TCF7L2: variants seen among roughly 807,000 people sequenced by gnomAD.
The protein encoded by TCF7L2 is transcription factor 7 like 2, also known as transcription factor 7-like 2.
Under a neutral mutation model 77.9 loss-of-function variants are expected in TCF7L2, and 23 were observed. The ratio of observed to expected loss-of-function variants is 0.30; its 90% CI spans 0.21 to 0.42. TCF7L2 has a LOEUF of 0.42. TCF7L2 is among the 10% of genes least tolerant of loss of function. TCF7L2 has a pLI of 1.00. For synonymous variants in TCF7L2, 413 were observed against 340.2 expected (o/e 1.21, Z -2.36); for missense variants, 654 against 793.1 (o/e 0.82, Z 2.11).
In TCF7L2 at chr10:113,049,609, A is replaced by G. The variant is rs577089927; in HGVS notation, c.552+9483A>G. On this transcript the variant is annotated intron_variant, in intron 5 of 13. Coordinates refer to ENST00000627217, the MANE Select transcript of TCF7L2 (RefSeq NM_001146274.2). ...CTTCCTACCTTTGTAACAGCCTATC[A>G]TCTATCTCTGGTCTCCATAGCTCAC... Among the ~76,000 whole-genome samples the G allele has an allele frequency of 1.5e-4, 23 of 152,246 alleles. 1 individual carries two copies. In the East Asian group the frequency reaches 4.1e-3, roughly 27 times the overall value.
At chr10:112,962,991 A>G (rs1320516621) in intron 3 of TCF7L2, among the ~76,000 whole-genome samples, 8 of 151,676 alleles carry the variant, frequency 5.3e-5, no homozygotes, top group Admixed American at 3.3e-4. Flanking sequence ...GTGGTTCATT[A>G]CTCTCCTTTG....
At chr10:113,073,099 C>CCTGTGTGTGTGT (rs145753150) in intron 5 of TCF7L2, among the ~76,000 whole-genome samples, 123 of 104,010 alleles carry the variant, frequency 1.2e-3, no homozygotes, top group South Asian at 5.0e-3. Flanking sequence ...AGGGCCAGGT[C>CCTGTGTGTGTGT]GTGTGTGTGT....
At chr10:113,080,129 C>T (rs949596868) in intron 5 of TCF7L2, among the ~76,000 whole-genome samples, 1 of 151,920 alleles carries the variant, frequency 6.6e-6, no homozygotes, top group African/African-American at 2.4e-5. Context: ...GGTTTTCCCC[C>T]TTCTCACAAA....
chr10:112,957,322 A>G (rs2033930243), intron 3 of TCF7L2, among the ~76,000 whole-genome samples: 1 of 151,650 alleles, frequency 6.6e-6, no homozygotes, highest in South Asian at 2.1e-4. Flanking sequence ...GTGGAAGGGA[A>G]AATGTACACA....
chr10:113,160,561 CCAACTGAG>C (rs2073000527), intron 12 of TCF7L2: 2 of 1,483,672 alleles, frequency 1.3e-6, no homozygotes, highest in Non-Finnish European at 9.1e-7. Context: ...GATTTCACAT[CCAACTGAG>C]CACGACCCAC....
intron 13 of TCF7L2, among the ~76,000 whole-genome samples, chr10:113,162,944 T>C (rs1396977734): frequency 2.0e-5 from 3 of 151,876 alleles, no homozygotes; most frequent in Admixed American, 2.0e-4. Flanking sequence ...TTACTCAACT[T>C]TTCCTTTTAA....
chr10:113,028,256 A>T, intron 4 of TCF7L2, among the ~76,000 whole-genome samples: 1 of 152,186 alleles, frequency 6.6e-6, no homozygotes, highest in East Asian at 1.9e-4. Context: ...GTAATTTGTT[A>T]CAGCAAGATG....
chr10:113,138,553 GCTT>G (rs1212365409), intron 5 of TCF7L2, among the ~76,000 whole-genome samples: 1 of 152,102 alleles, frequency 6.6e-6, no homozygotes, highest in Non-Finnish European at 1.5e-5. Context: ...TGGGATTTGT[GCTT>G]CTTTACTGTA....
chr10:113,156,847 G>A (rs142929135), intron 11 of TCF7L2, among the ~76,000 whole-genome samples: 2 of 152,230 alleles, frequency 1.3e-5, no homozygotes, highest in Non-Finnish European at 2.9e-5. Context: ...CTTGCTAGAT[G>A]TGTGACCCTG....
At chr10:112,985,862 G>GTGTGTGTGTT (rs2041409617) in intron 4 of TCF7L2, among the ~76,000 whole-genome samples, 1 of 86,420 alleles carries the variant, frequency 1.2e-5, no homozygotes, top group South Asian at 3.7e-4. Context: ...CCTGTAGTTT[G>GTGTGTGTGTT]TGTGTGTGTG....
intron 5 of TCF7L2, among the ~76,000 whole-genome samples, chr10:113,071,936 T>C (rs2058072853): frequency 6.6e-6 from 1 of 152,278 alleles, no homozygotes; most frequent in Admixed American, 6.5e-5. Flanking sequence ...TGCACTCTGC[T>C]TCAGCAGTAC....
At chr10:113,149,005 C>G (rs1211837225) in intron 8 of TCF7L2, among the ~76,000 whole-genome samples, 1 of 152,152 alleles carries the variant, frequency 6.6e-6, no homozygotes, top group Non-Finnish European at 1.5e-5. Flanking sequence ...CTCCCCCTCC[C>G]TCTCCCTCTC....
intron 5 of TCF7L2, among the ~76,000 whole-genome samples, chr10:113,046,294 A>T (rs565307893): frequency 6.6e-6 from 1 of 152,254 alleles, no homozygotes; most frequent in East Asian, 1.9e-4. Context: ...AGGGCCTTAA[A>T]ATCAAATGCC....
intron 5 of TCF7L2, among the ~76,000 whole-genome samples, chr10:113,080,072 A>G (rs1409856521): frequency 6.6e-6 from 1 of 152,032 alleles, no homozygotes; most frequent in African/African-American, 2.4e-5. Flanking sequence ...CACACCACAC[A>G]CACACAGCCC....
chr10:113,146,636 A>T lies in TCF7L2; in HGVS notation c.875+539A>T, dbSNP rs79843991. On this transcript the variant is annotated intron_variant, in intron 8 of 13. Transcript: ENST00000627217. Reference sequence around the variant, plus strand: ...AAAAGTTTTTGTTTTTTTTTTTTTAAAAAAAAGATAAAGTTATTTTTAATG... The same window carrying T: ...AAAAGTTTTTGTTTTTTTTTTTTTATAAAAAAGATAAAGTTATTTTTAATG... Among the ~76,000 whole-genome samples, 1,108 of 149,160 alleles carry T rather than the reference A, an allele frequency of 7.4e-3. 14 individuals carry two copies. Among genetic ancestry groups the T allele is most frequent in the Non-Finnish European group, 0.011 (727 of 67,758 alleles).
chr10:113,160,558 C>T (rs2137456720), intron 12 of TCF7L2: 2 of 1,467,976 alleles, frequency 1.4e-6, no homozygotes, highest in African/African-American at 2.8e-5. Flanking sequence ...TGAGATTTCA[C>T]ATCCAACTGA....
intron 4 of TCF7L2, among the ~76,000 whole-genome samples, chr10:113,034,333 G>A (rs576329349): frequency 2.0e-5 from 3 of 152,274 alleles, no homozygotes; most frequent in East Asian, 3.9e-4. Context: ...TCATAATCGT[G>A]GTGCGGTCTT....
At chr10:112,993,667 G>A (rs1297680371) in intron 4 of TCF7L2, among the ~76,000 whole-genome samples, 1 of 152,188 alleles carries the variant, frequency 6.6e-6, no homozygotes. Context: ...AGTGTTGGAC[G>A]ATGAATCCCC....
chr10:113,070,871 C>T (rs567751264), intron 5 of TCF7L2, among the ~76,000 whole-genome samples: 1 of 152,306 alleles, frequency 6.6e-6, no homozygotes, highest in East Asian at 1.9e-4. Flanking sequence ...CGAGCATCGT[C>T]ACAGTCAATT....
Sources: gnomAD v4.1 joint callset for allele counts (sites outside exome capture counted in the v4.1 genomes callset) on GRCh38, gnomAD v4.1.1 for gene constraint, MANE v1.5 for transcripts, NCBI Gene and HGNC (gene_info 2026-07-23, HGNC 2026-07-21) for gene names.